Variants in CDK14 observed in about 807,000 individuals in gnomAD.
The protein encoded by CDK14 is cyclin-dependent kinase 14.
Under a neutral mutation model 60.7 loss-of-function variants are expected in CDK14, and 34 were observed. The observed-to-expected ratio is 0.56, with a 90% CI of 0.43 to 0.75. The LOEUF is 0.75. CDK14 is among the 30% of genes least tolerant of loss of function. CDK14 has a pLI of 0.00. For missense variants in CDK14, 482 were observed against 564.1 expected, an observed-to-expected ratio of 0.85 and a Z score of 1.47; for synonymous variants, 197 against 203.7, an observed-to-expected ratio of 0.97 and a Z score of 0.28.
intron 3 of CDK14, among the ~76,000 whole-genome samples, chr7:90,744,869 G>A (rs1168456723): frequency 2.1e-5 from 3 of 143,036 alleles, no homozygotes; most frequent in African/African-American, 5.2e-5. Flanking sequence ...CCTCCCTCCC[G>A]GACGGGGCGG....
At chr7:90,625,537 C>G (rs774232506) in intron 2 of CDK14, among the ~76,000 whole-genome samples, 6 of 152,096 alleles carry the variant, frequency 3.9e-5, no homozygotes, top group Non-Finnish European at 7.3e-5. Context: ...ATCTCTTATA[C>G]CTTGGACATT....
chr7:90,996,660 T>G (rs1329909260), intron 10 of CDK14, among the ~76,000 whole-genome samples: 1 of 152,236 alleles, frequency 6.6e-6, no homozygotes, highest in Non-Finnish European at 1.5e-5. Flanking sequence ...AATGTGTATG[T>G]ATGGAGGCTA....
chr7:91,059,663 C>G (rs1310061523), intron 11 of CDK14, among the ~76,000 whole-genome samples: 4 of 152,170 alleles, frequency 2.6e-5, no homozygotes, highest in East Asian at 3.8e-4. Flanking sequence ...TCGTTATGTA[C>G]CCAGTAGTCA....
At chr7:90,791,971 C>T (rs373956438) in intron 5 of CDK14, among the ~76,000 whole-genome samples, 6 of 150,528 alleles carry the variant, frequency 4.0e-5, no homozygotes, top group East Asian at 3.9e-4. Context: ...GGCACAATCT[C>T]GGCTCACTGC....
At chr7:90,879,919 C>G (rs558490435) in intron 6 of CDK14, among the ~76,000 whole-genome samples, 1 of 152,016 alleles carries the variant, frequency 6.6e-6, no homozygotes, top group Admixed American at 6.5e-5. Context: ...TGGTGTGATA[C>G]CCAGCTGGGG....
chr7:90,935,663 A>C (rs762164479), intron 8 of CDK14, among the ~76,000 whole-genome samples: 1 of 152,176 alleles, frequency 6.6e-6, no homozygotes, highest in Admixed American at 6.5e-5. Context: ...TTTCACTAAT[A>C]TATCTATTAG....
intron 11 of CDK14, among the ~76,000 whole-genome samples, chr7:91,077,743 T>TACAC (rs36101608): frequency 9.6e-4 from 143 of 148,718 alleles, no homozygotes; most frequent in African/African-American, 2.7e-3. Context: ...TTCACTTTTA[T>TACAC]ACACACACAC....
chr7:90,713,145 A>G lies in CDK14; in HGVS notation c.124-13422A>G, dbSNP rs576872483. Among the ~76,000 whole-genome samples, 196 of 152,200 alleles carry G rather than the reference A, an allele frequency of 1.3e-3. 2 individuals carry two copies. Among genetic ancestry groups the G allele is most frequent in the African/African-American group, 4.4e-3 (182 of 41,570 alleles). On this transcript the variant is annotated intron_variant, in intron 2 of 14. Transcript: ENST00000380050. ...ATGAGGTAAGCCTAGCTTCATCAAT[A>G]CAGCTTTCTGTTTCTCAGATTTCTT...
At chr7:91,161,936 T>C (rs1801177620) in intron 14 of CDK14, among the ~76,000 whole-genome samples, 1 of 152,250 alleles carries the variant, frequency 6.6e-6, no homozygotes, top group African/African-American at 2.4e-5. Flanking sequence ...TTTAAGTACA[T>C]TTTTAATATA....
At chr7:90,782,262 GATTTTATACCT>G (rs1477497509) in intron 4 of CDK14, among the ~76,000 whole-genome samples, 1 of 152,098 alleles carries the variant, frequency 6.6e-6, no homozygotes, top group African/African-American at 2.4e-5. Flanking sequence ...TTTGCACATT[GATTTTATACCT>G]GAGACTTTGC....
At chr7:90,915,771 ACTCAGTTTC>A (rs1252770020) in intron 7 of CDK14, among the ~76,000 whole-genome samples, 5 of 152,092 alleles carry the variant, frequency 3.3e-5, no homozygotes, top group African/African-American at 1.2e-4. Flanking sequence ...GAGAAACCGC[ACTCAGTTTC>A]CTCATTACTA....
At chr7:91,078,433 CCT>C (rs1015729710) in intron 11 of CDK14, among the ~76,000 whole-genome samples, 1 of 152,102 alleles carries the variant, frequency 6.6e-6, no homozygotes, top group African/African-American at 2.4e-5. Flanking sequence ...ATGATGACAC[CCT>C]GTCTCTACTA....
intron 11 of CDK14, among the ~76,000 whole-genome samples, chr7:91,061,408 T>G (rs1381950529): frequency 6.6e-6 from 1 of 152,220 alleles, no homozygotes; most frequent in African/African-American, 2.4e-5. Flanking sequence ...TTCGTCAAAG[T>G]CATTCTCCAT....
chr7:91,115,876 C>T (rs897777550), intron 13 of CDK14, among the ~76,000 whole-genome samples: 3 of 152,164 alleles, frequency 2.0e-5, no homozygotes, highest in Non-Finnish European at 2.9e-5. Context: ...CTTAAAACCT[C>T]ATCAGGTTAC....
At position 90,756,870 on chromosome 7, in the gene CDK14, A is replaced by G. The variant is rs934200610; in HGVS notation, c.464+9095A>G. Reference sequence around the variant, plus strand: ...GTGAAGCTGTCTGGCATTTGTAGAGATACTTGTGATTTTCAGTTTGTGAGC... The same window carrying G: ...GTGAAGCTGTCTGGCATTTGTAGAGGTACTTGTGATTTTCAGTTTGTGAGC... On this transcript the variant is annotated intron_variant, in intron 4 of 14. Coordinates refer to ENST00000380050, the MANE Select transcript of CDK14 (RefSeq NM_001287135.2). Among the ~76,000 whole-genome samples, 7 of 152,242 alleles carry G rather than the reference A, an allele frequency of 4.6e-5. No individual in the cohort carries two copies. The South Asian group carries it at 1.5e-3, about 32-fold the overall frequency.
At chr7:90,746,597 T>G (rs1199400044) in intron 3 of CDK14, among the ~76,000 whole-genome samples, 1 of 152,246 alleles carries the variant, frequency 6.6e-6, no homozygotes, top group Non-Finnish European at 1.5e-5. Flanking sequence ...TATGCTTTGG[T>G]ATTACCCTTT....
intron 2 of CDK14, among the ~76,000 whole-genome samples, chr7:90,714,953 A>G (rs1802194617): frequency 6.6e-6 from 1 of 152,036 alleles, no homozygotes; most frequent in Non-Finnish European, 1.5e-5. Context: ...TCCTTTAGGG[A>G]AGGAATTTAA....
At chr7:91,076,483 T>G (rs1270560363) in intron 11 of CDK14, among the ~76,000 whole-genome samples, 5 of 151,936 alleles carry the variant, frequency 3.3e-5, no homozygotes, top group African/African-American at 1.2e-4. Context: ...TCCTTACACC[T>G]TATACAAAAA....
Position 90,814,226 on chromosome 7 carries a change from G to A in CDK14, c.544+23574G>A, listed in dbSNP as rs370737573. ...GAAGGGAAAGAGTGAGATAGAAATC[G>A]TGGGTAAATTAAAAGAGCTTTGAAA... On this transcript the variant is annotated intron_variant, in intron 5 of 14. Transcript: ENST00000380050. Among the ~76,000 whole-genome samples, 7 of 152,208 alleles carry A rather than the reference G, an allele frequency of 4.6e-5. No homozygotes were observed. The South Asian group carries it at 8.3e-4, about 18-fold the overall frequency.
Sources: gnomAD v4.1 joint callset for allele counts (sites outside exome capture counted in the v4.1 genomes callset) on GRCh38, gnomAD v4.1.1 for gene constraint, MANE v1.5 for transcripts, NCBI Gene and HGNC (gene_info 2026-07-23, HGNC 2026-07-21) for gene names.